The following PDZD2 variants were observed in gnomAD, a reference collection of about 807,000 sequenced individuals.
PDZD2 encodes PDZ domain-containing protein 2.
A neutral mutation model predicts 220.7 loss-of-function variants in PDZD2; 90 were observed. The ratio of observed to expected loss-of-function variants is 0.41; its 90% CI spans 0.34 to 0.49. The LOEUF is 0.49. Ranked by LOEUF, PDZD2 falls within the 20% of genes least tolerant of loss-of-function variation. The pLI, the probability that PDZD2 is intolerant of heterozygous loss-of-function variation, is 0.28. For missense variants in PDZD2, 3,174 were observed against 3,608.5 expected (o/e 0.88, Z 3.08); for synonymous variants, 1,375 against 1,450.5 (o/e 0.95, Z 1.18).
chr5:32,040,105 G>A (rs1304314556), intron 7 of PDZD2, among the ~76,000 whole-genome samples: 2 of 144,908 alleles, frequency 1.4e-5, no homozygotes, highest in African/African-American at 5.3e-5. Flanking sequence ...CACCCCATCT[G>A]GGAAATGAGG....
intron 2 of PDZD2, among the ~76,000 whole-genome samples, chr5:31,955,995 G>C (rs1278444822): frequency 6.6e-6 from 1 of 152,150 alleles, no homozygotes; most frequent in Non-Finnish European, 1.5e-5. Flanking sequence ...GATACTTGAT[G>C]TGACTTCAGT....
intron 2 of PDZD2, among the ~76,000 whole-genome samples, chr5:31,896,305 A>G (rs189623181): frequency 6.7e-6 from 1 of 149,520 alleles, no homozygotes; most frequent in East Asian, 2.0e-4. Context: ...GCCTCATCAG[A>G]TTCCTATTTG....
intron 1 of PDZD2, among the ~76,000 whole-genome samples, chr5:31,792,375 C>A (rs1265530209): frequency 1.3e-5 from 2 of 152,122 alleles, no homozygotes; most frequent in Admixed American, 6.6e-5. Flanking sequence ...AACTGTGAGA[C>A]CTTGGGTATG....
intron 1 of PDZD2, among the ~76,000 whole-genome samples, chr5:31,673,386 A>G (rs2150119331): frequency 6.6e-6 from 1 of 152,318 alleles, no homozygotes; most frequent in Admixed American, 6.5e-5. Flanking sequence ...GGGACAAGTC[A>G]CCTGCCTGGA....
rs139603995 is a variant in PDZD2 at position 31,804,704 on chromosome 5, T to G, written c.476+4980T>G. ...GGTCCTTGTGCGATACTACCTCAACTTCTGCACCAGATCTGTACTTTGGTC... is the reference window on the plus strand; with the variant it reads ...GGTCCTTGTGCGATACTACCTCAACGTCTGCACCAGATCTGTACTTTGGTC... On this transcript the variant is annotated intron_variant, in intron 2 of 24. Coordinates refer to ENST00000438447, the MANE Select transcript of PDZD2 (RefSeq NM_178140.4). Among the ~76,000 whole-genome samples the G allele has an allele frequency of 7.9e-3, 1,198 of 152,322 alleles. 15 individuals carry two copies. The highest frequency in any genetic ancestry group is 0.027 in the African/African-American group (1,133 of 41,570).
intron 5 of PDZD2, among the ~76,000 whole-genome samples, chr5:32,005,523 C>T (rs965388087): frequency 5.4e-5 from 7 of 128,748 alleles, no homozygotes; most frequent in African/African-American, 2.5e-4. Context: ...ATGTAGACAA[C>T]CCAAAAAAAA....
chr5:31,685,493 G>A (rs375186342), intron 1 of PDZD2, among the ~76,000 whole-genome samples: 18 of 152,154 alleles, frequency 1.2e-4, no homozygotes, highest in East Asian at 7.7e-4. Flanking sequence ...TGCCTCGTCC[G>A]CATGCATACC....
intron 1 of PDZD2, among the ~76,000 whole-genome samples, chr5:31,768,812 G>A (rs1752177928): frequency 1.3e-5 from 2 of 152,124 alleles, no homozygotes; most frequent in African/African-American, 4.8e-5. Context: ...GCGGTGGAGG[G>A]GTAAGGGGAT....
intron 1 of PDZD2, among the ~76,000 whole-genome samples, chr5:31,745,858 G>T (rs1354206656): frequency 1.3e-5 from 2 of 148,854 alleles, no homozygotes; most frequent in Non-Finnish European, 3.0e-5. Context: ...GTCTGTTCTA[G>T]GAAGCAGAAT....
chr5:31,864,958 C>T (rs1738072376), intron 2 of PDZD2, among the ~76,000 whole-genome samples: 1 of 131,000 alleles, frequency 7.6e-6, no homozygotes, highest in Non-Finnish European at 1.5e-5. Flanking sequence ...ATGCTGTTCT[C>T]CTGCCTCAGC....
chr5:31,787,119 G>A (rs1346511187), intron 1 of PDZD2, among the ~76,000 whole-genome samples: 2 of 152,196 alleles, frequency 1.3e-5, no homozygotes, highest in East Asian at 1.9e-4. Context: ...ATGATCAGAA[G>A]GTAATGGGCA....
At chr5:31,840,567 T>A in intron 2 of PDZD2, 1 of 700,432 alleles carries the variant, frequency 1.4e-6, no homozygotes. Context: ...AATGTGCTTC[T>A]CTGCGTGGAG....
intron 2 of PDZD2, among the ~76,000 whole-genome samples, chr5:31,979,703 A>G (rs1379503167): frequency 6.6e-6 from 1 of 152,184 alleles, no homozygotes; most frequent in East Asian, 1.9e-4. Context: ...AGTGTTCACA[A>G]TTATTAGAAT....
intron 2 of PDZD2, chr5:31,822,522 G>A (rs182442148): frequency 2.7e-5 from 16 of 602,712 alleles, no homozygotes; most frequent in Admixed American, 2.0e-4. Flanking sequence ...GGAAGCATCC[G>A]GCATCTTGTT....
At chr5:31,701,051 A>G (rs1468242448) in intron 1 of PDZD2, among the ~76,000 whole-genome samples, 2 of 152,180 alleles carry the variant, frequency 1.3e-5, no homozygotes, top group East Asian at 1.9e-4. Context: ...TGCTGGAGCC[A>G]CTTGCCGTCT....
At chr5:31,968,914 T>C (rs749705708) in intron 2 of PDZD2, among the ~76,000 whole-genome samples, 3 of 152,192 alleles carry the variant, frequency 2.0e-5, no homozygotes, top group Non-Finnish European at 4.4e-5. Context: ...ACATGTCATA[T>C]ACTATTACTT....
In PDZD2 at chr5:32,053,751, C is replaced by T. The variant is rs749666587; in HGVS notation, c.1786-18C>T. 7.2e-7 allele frequency: 1 copy of T among 1,397,934 alleles called. No homozygotes were observed. Among genetic ancestry groups the T allele is most frequent in the Non-Finnish European group, 1.0e-6 (1 of 982,398 alleles). 86.6% of individuals were successfully genotyped at this position (1,397,934 alleles called of 1,614,324 possible). ...ATACCACACTGTCAACCTGGACTCT[C>T]ATCTGCTTCGGATCTAGGGCCTTGG... On this transcript the variant is annotated intron_variant, in intron 9 of 24. Coordinates refer to ENST00000438447, the MANE Select transcript of PDZD2 (RefSeq NM_178140.4).
intron 1 of PDZD2, among the ~76,000 whole-genome samples, chr5:31,735,098 CCCTCCACTGCAT>C (rs1749773400): frequency 6.6e-6 from 1 of 152,220 alleles, no homozygotes; most frequent in Non-Finnish European, 1.5e-5. Flanking sequence ...CAGCGTTGAA[CCCTCCACTGCAT>C]CTCTCAGCCT....
At chr5:32,076,769 A>G (rs1741343404) in intron 18 of PDZD2, among the ~76,000 whole-genome samples, 1 of 152,240 alleles carries the variant, frequency 6.6e-6, no homozygotes, top group African/African-American at 2.4e-5. Flanking sequence ...TTGTGTTACT[A>G]ATAAATAGAA....
Sources: allele counts gnomAD v4.1 joint callset (sites outside exome capture counted in the v4.1 genomes callset), GRCh38; gene constraint gnomAD v4.1.1; transcripts MANE v1.5; gene names NCBI Gene and HGNC (gene_info 2026-07-23, HGNC 2026-07-21).